TOMM7: variants seen among roughly 807,000 people sequenced by gnomAD.
The protein encoded by TOMM7 is translocase of outer mitochondrial membrane 7, also known as mitochondrial import receptor subunit TOM7 homolog.
In TOMM7, 8 loss-of-function variants were observed where a neutral mutation model predicts 9.5. The observed-to-expected ratio is 0.84, with a 90% CI of 0.49 to 1.51. The LOEUF is 1.51. TOMM7 is among the 40% of genes most tolerant of loss of function. The pLI, the probability that TOMM7 is intolerant of heterozygous loss-of-function variation, is 0.00. For missense variants in TOMM7, 74 were observed against 63.7 expected (o/e 1.16, Z -0.55); for synonymous variants, 27 against 21.4 (o/e 1.26, Z -0.72).
In TOMM7 at chr7:22,822,693, A is replaced by G. The variant is rs138312355; in HGVS notation, c.87T>C (p.Pro29=). ...CCCACTGACCCAGGTAAATCACAAGAGGGATAAAGCCCCAGCGAATGGCAA... is the reference window on the plus strand; with the variant it reads ...CCCACTGACCCAGGTAAATCACAAGGGGGATAAAGCCCCAGCGAATGGCAA... The part of the protein sequence containing the change: ...SQFAIRWGFI[P]LVIYLGFKRG... The change falls in exon 1 of 3, where the codon CCT becomes CCC. Residue 29 remains proline (P), a synonymous_variant. Transcript: ENST00000358435. 31 of 1,613,796 alleles carry G rather than the reference A, an allele frequency of 1.9e-5. No homozygotes were observed. Among genetic ancestry groups the G allele is most frequent in the Non-Finnish European group, 2.6e-5 (31 of 1,179,810 alleles).
At chr7:22,820,974 A>G (rs1268985538) in intron 1 of TOMM7, among the ~76,000 whole-genome samples, 1 of 152,216 alleles carries the variant, frequency 6.6e-6, no homozygotes, top group East Asian at 1.9e-4. Flanking sequence ...AATAGGAAGC[A>G]GCACCTTGTT....
intron 2 of TOMM7, among the ~76,000 whole-genome samples, chr7:22,813,974 C>T (rs1782284155): frequency 6.7e-6 from 1 of 148,640 alleles, no homozygotes; most frequent in South Asian, 2.1e-4. Context: ...CATCTATTTC[C>T]AATTTTCAAA....
At chr7:22,818,256 G>A (rs970494545) in intron 1 of TOMM7, 7 of 494,938 alleles carry the variant, frequency 1.4e-5, no homozygotes, top group Non-Finnish European at 2.6e-5. Context: ...TAATCAGTAG[G>A]AAGAACAAGC....
intron 2 of TOMM7, among the ~76,000 whole-genome samples, chr7:22,814,035 G>A (rs59759187): frequency 6.7e-6 from 1 of 150,146 alleles, no homozygotes; most frequent in Non-Finnish European, 1.5e-5. Flanking sequence ...ACACAGTTAA[G>A]ATATGAAAAT....
At chr7:22,819,451 T>A (rs1273487932) in intron 1 of TOMM7, among the ~76,000 whole-genome samples, 2 of 151,956 alleles carry the variant, frequency 1.3e-5, no homozygotes, top group African/African-American at 4.8e-5. Context: ...CACTGCAACC[T>A]TCACCTACTC....
At chr7:22,816,674 G>A (rs10269414) in intron 2 of TOMM7, among the ~76,000 whole-genome samples, 34,337 of 152,146 alleles carry the variant, frequency 0.23, 4,295 homozygotes, top group Middle Eastern at 0.34. Context: ...TACCCTTTGA[G>A]AATAAAAAAG....
chr7:22,813,495 GA>G (rs939796901), intron 2 of TOMM7, among the ~76,000 whole-genome samples: 25 of 152,154 alleles, frequency 1.6e-4, no homozygotes, highest in African/African-American at 6.0e-4. Context: ...GATAAACCCA[GA>G]AAACAAAGCT....
At chr7:22,814,146 G>A (rs1474349) in intron 2 of TOMM7, among the ~76,000 whole-genome samples, 33,775 of 143,078 alleles carry the variant, frequency 0.24, 4,276 homozygotes, top group Middle Eastern at 0.35. Context: ...ACCAGCCTGG[G>A]AAACATGGTG....
chr7:22,815,201 C>T (rs779508350), intron 2 of TOMM7, among the ~76,000 whole-genome samples: 7 of 152,130 alleles, frequency 4.6e-5, no homozygotes, highest in Non-Finnish European at 7.3e-5. Context: ...AGCAGTAGGA[C>T]AGGGATGCTT....
chr7:22,813,248 C>A (rs1283227935), intron 2 of TOMM7, 63 bp from the exon 3 acceptor site: 2 of 1,457,734 alleles, frequency 1.4e-6, no homozygotes, highest in South Asian at 1.2e-5. Flanking sequence ...CTAGACATAA[C>A]CTAAGACCTA....
chr7:22,822,605 G>A, intron 1 of TOMM7, 72 bp downstream of exon 1: 6 of 1,370,982 alleles, frequency 4.4e-6, no homozygotes, highest in East Asian at 2.3e-5. Flanking sequence ...CTCCCCCGAC[G>A]GCCAAAAATG....
At chr7:22,815,729 T>C (rs966112840) in intron 2 of TOMM7, among the ~76,000 whole-genome samples, 11 of 151,956 alleles carry the variant, frequency 7.2e-5, no homozygotes, top group African/African-American at 1.9e-4. Context: ...ATGCCTATAA[T>C]CCCAGCACTT....
At chr7:22,821,783 G>T (rs1293757228) in intron 1 of TOMM7, among the ~76,000 whole-genome samples, 1 of 151,860 alleles carries the variant, frequency 6.6e-6, no homozygotes, top group East Asian at 1.9e-4. Flanking sequence ...GAAAAGAAAA[G>T]AAAAAACTAC....
intron 1 of TOMM7, among the ~76,000 whole-genome samples, chr7:22,821,620 C>A (rs1187368893): frequency 6.6e-6 from 1 of 151,254 alleles, no homozygotes; most frequent in African/African-American, 2.4e-5. Flanking sequence ...GCGGTGGCTG[C>A]AAGTCTGTAA....
intron 2 of TOMM7, 100 bp downstream of exon 2, chr7:22,817,900 C>T (rs890832409): frequency 2.6e-6 from 3 of 1,150,078 alleles, no homozygotes; most frequent in Non-Finnish European, 3.9e-6. Flanking sequence ...ACTGATAAAG[C>T]TCCATTTCAA....
Position 22,818,190 on chromosome 7 carries a change from T to C in TOMM7, c.104-142A>G, listed in dbSNP as rs183170912. 423 of 673,978 alleles carry C rather than the reference T, an allele frequency of 6.3e-4. 3 individuals carry two copies. The highest frequency in any genetic ancestry group is 2.0e-3 in the South Asian group (110 of 54,126). 41.7% of individuals were successfully genotyped at this position (673,978 alleles called of 1,614,324 possible). A position where few individuals can be genotyped will look rare whatever the true frequency, so the allele number is the denominator to read the frequency against. ...TAGACCAACCAGTACTATCTAAATT[T>C]ACCTACGCTACAGAAGTCTCCAATC... is the stretch of plus-strand genomic sequence containing the variant. On this transcript the variant is annotated intron_variant, in intron 1 of 2. Coordinates refer to ENST00000358435, the MANE Select transcript of TOMM7 (RefSeq NM_019059.5).
At chr7:22,822,372 T>C (rs1782405789) in intron 1 of TOMM7, 9 of 1,262,154 alleles carry the variant, frequency 7.1e-6, no homozygotes, top group Non-Finnish European at 7.5e-6. Flanking sequence ...AGTGAATTAG[T>C]GACTTTCACA....
chr7:22,818,037 C>G lies in TOMM7; in HGVS notation c.115G>C (p.Gly39Arg), dbSNP rs765466330. The G allele has an allele frequency of 1.2e-5, 20 of 1,613,688 alleles. No individual in the cohort carries two copies. Among genetic ancestry groups the G allele is most frequent in the Non-Finnish European group, 1.6e-5 (19 of 1,179,900 alleles). Residue 39 changes from glycine (G) to arginine (R), a missense_variant, in exon 2 of 3, where the codon GGT becomes CGT. Physicochemically the swap from Gly to Arg is moderately radical, Grantham distance 125 (BLOSUM62 -2). Transcript: ENST00000358435. ...GGTTCAGGCATTCCGGGATCTGCAC[C>G]CCTCTTAAATCCTGAATCAAGGAAG... ...PLVIYLGFKR[G>R]ADPGMPEPTV...
chr7:22,822,425 T>C (rs1782406263), intron 1 of TOMM7: 6 of 811,870 alleles, frequency 7.4e-6, no homozygotes, highest in Admixed American at 5.8e-5. Context: ...CCGAGAAATA[T>C]GACCTCCACT....
Sources: allele counts gnomAD v4.1 joint callset (sites outside exome capture counted in the v4.1 genomes callset), GRCh38; gene constraint gnomAD v4.1.1; transcripts MANE v1.5; gene names NCBI Gene and HGNC (gene_info 2026-07-23, HGNC 2026-07-21).